Variants in SEMA5A observed in about 807,000 individuals in gnomAD.
SEMA5A encodes semaphorin-5A.
SEMA5A carries 55 observed loss-of-function variants against 135.5 expected under a neutral mutation model. The ratio of observed to expected loss-of-function variants is 0.41; its 90% CI spans 0.33 to 0.51. The LOEUF is 0.51. Ranked by LOEUF, SEMA5A falls within the 20% of genes least tolerant of loss-of-function variation. The probability of loss-of-function intolerance (pLI) is 0.37; values close to 1 mark genes in which losing one functional copy is unlikely to be tolerated. For missense variants in SEMA5A, 1,290 were observed against 1,419.9 expected (o/e 0.91, Z 1.47); for synonymous variants, 580 against 546.5 (o/e 1.06, Z -0.85).
intron 5 of SEMA5A, among the ~76,000 whole-genome samples, chr5:9,277,047 T>G (rs546708896): frequency 3.5e-4 from 53 of 152,174 alleles, no homozygotes; most frequent in Middle Eastern, 3.4e-3. Flanking sequence ...GGGAGAAAAT[T>G]TTTGCAATCT....
At chr5:9,240,958 T>A (rs1748159726) in intron 5 of SEMA5A, among the ~76,000 whole-genome samples, 1 of 152,148 alleles carries the variant, frequency 6.6e-6, no homozygotes, top group Non-Finnish European at 1.5e-5. Context: ...GTCTCCCTTT[T>A]AAAAATATTT....
chr5:9,242,034 G>T (rs554452219), intron 5 of SEMA5A, among the ~76,000 whole-genome samples: 1 of 152,262 alleles, frequency 6.6e-6, no homozygotes, highest in Admixed American at 6.5e-5. Context: ...ACCACCTGAG[G>T]GCTTTCTTTT....
intron 3 of SEMA5A, among the ~76,000 whole-genome samples, chr5:9,378,852 G>T (rs1380759156): frequency 6.6e-6 from 1 of 152,042 alleles, no homozygotes; most frequent in Non-Finnish European, 1.5e-5. Context: ...TTATTTGTTT[G>T]TTTGTTTGCT....
chr5:9,088,302 CA>C (rs58686803), intron 16 of SEMA5A, among the ~76,000 whole-genome samples: 1,524 of 68,338 alleles, frequency 0.022, 8 homozygotes, highest in East Asian at 0.056. Flanking sequence ...GACTCCATCT[CA>C]AAAAAAAAAA....
At chr5:9,343,492 G>A (rs997631117) in intron 3 of SEMA5A, among the ~76,000 whole-genome samples, 4 of 152,102 alleles carry the variant, frequency 2.6e-5, no homozygotes, top group African/African-American at 7.2e-5. Context: ...TATTCTCTGT[G>A]GAGAAATTCT....
At chr5:9,502,230 T>C (rs532586614) in intron 1 of SEMA5A, among the ~76,000 whole-genome samples, 2 of 152,336 alleles carry the variant, frequency 1.3e-5, no homozygotes, top group African/African-American at 4.8e-5. Context: ...GTAGGGTTTA[T>C]TTCTCTGTAG....
intron 2 of SEMA5A, among the ~76,000 whole-genome samples, chr5:9,434,239 G>A (rs1757955207): frequency 6.6e-6 from 1 of 152,124 alleles, no homozygotes; most frequent in African/African-American, 2.4e-5. Flanking sequence ...GTATGTATAA[G>A]TGAAAAAGCA....
At chr5:9,463,396 A>G (rs988115529) in intron 1 of SEMA5A, among the ~76,000 whole-genome samples, 1 of 152,202 alleles carries the variant, frequency 6.6e-6, no homozygotes, top group African/African-American at 2.4e-5. Flanking sequence ...GAAGGGCAGG[A>G]GGTCAGGACA....
At chr5:9,537,103 A>T (rs182490019) in intron 1 of SEMA5A, among the ~76,000 whole-genome samples, 235 of 152,358 alleles carry the variant, frequency 1.5e-3, no homozygotes, top group African/African-American at 5.3e-3. Flanking sequence ...ATTAAAAAAA[A>T]TGGTCTAATA....
At chr5:9,473,325 T>C (rs1159544996) in intron 1 of SEMA5A, among the ~76,000 whole-genome samples, 1 of 137,568 alleles carries the variant, frequency 7.3e-6, no homozygotes, top group Non-Finnish European at 1.5e-5. Flanking sequence ...ACAATTTTAC[T>C]GGTGACTAAT....
intron 5 of SEMA5A, among the ~76,000 whole-genome samples, chr5:9,252,321 C>T (rs1748841973): frequency 6.6e-6 from 1 of 152,158 alleles, no homozygotes; most frequent in Admixed American, 6.5e-5. Flanking sequence ...CCCATTCCCA[C>T]CCTGTAATCT....
chr5:9,543,268 C>T (rs1319789094), intron 1 of SEMA5A, among the ~76,000 whole-genome samples: 1 of 152,102 alleles, frequency 6.6e-6, no homozygotes, highest in Non-Finnish European at 1.5e-5. Context: ...TCAGAAGGCC[C>T]ATGACTCTAA....
intron 18 of SEMA5A, among the ~76,000 whole-genome samples, chr5:9,059,099 G>T (rs1239398402): frequency 6.6e-6 from 1 of 152,072 alleles, no homozygotes; most frequent in Non-Finnish European, 1.5e-5. Context: ...ATACAAAACA[G>T]AACCATCTCA....
chr5:9,177,255 G>A (rs539879655), intron 11 of SEMA5A, among the ~76,000 whole-genome samples: 2 of 152,228 alleles, frequency 1.3e-5, no homozygotes, highest in South Asian at 4.1e-4. Flanking sequence ...AAGTCTCTTT[G>A]GAACCTGGTT....
intron 13 of SEMA5A, among the ~76,000 whole-genome samples, chr5:9,129,866 T>C (rs1275184240): frequency 6.6e-6 from 1 of 151,208 alleles, no homozygotes; most frequent in Admixed American, 6.6e-5. Flanking sequence ...TGGGCTGAGA[T>C]ATGATAAGTA....
chr5:9,233,868 C>A (rs1257468008), intron 6 of SEMA5A, among the ~76,000 whole-genome samples: 5 of 151,946 alleles, frequency 3.3e-5, no homozygotes, highest in Non-Finnish European at 7.4e-5. Context: ...CTCAGCTCAG[C>A]AGCTAAATGC....
intron 12 of SEMA5A, among the ~76,000 whole-genome samples, chr5:9,147,895 GC>G (rs1384035781): frequency 6.6e-6 from 1 of 152,152 alleles, no homozygotes; most frequent in Non-Finnish European, 1.5e-5. Flanking sequence ...ATGTCCATTT[GC>G]TAATTTAACA....
At chr5:9,460,551 AT>A (rs1401550427) in intron 1 of SEMA5A, among the ~76,000 whole-genome samples, 1 of 152,198 alleles carries the variant, frequency 6.6e-6, no homozygotes. Context: ...GTAATAAAAT[AT>A]AATATGCTAG....
chr5:9,404,533 T>C (rs1421627038), intron 2 of SEMA5A, among the ~76,000 whole-genome samples: 2 of 152,216 alleles, frequency 1.3e-5, no homozygotes, highest in Admixed American at 1.3e-4. Context: ...GCTAAATCAT[T>C]TATAAACTTG....
Sources: allele counts gnomAD v4.1 joint callset (sites outside exome capture counted in the v4.1 genomes callset), GRCh38; gene constraint gnomAD v4.1.1; transcripts MANE v1.5; gene names NCBI Gene and HGNC (gene_info 2026-07-23, HGNC 2026-07-21).